Variants in TF observed in about 807,000 individuals in gnomAD.
The protein encoded by TF is transferrin, also known as serotransferrin.
TF carries 55 observed loss-of-function variants against 82.4 expected under a neutral mutation model. That is an observed-to-expected ratio of 0.67 (90% CI 0.54 to 0.84). The LOEUF is 0.84. TF is among the 40% of genes least tolerant of loss of function. TF has a pLI of 0.00. For synonymous variants in TF, 332 were observed against 332.6 expected, an observed-to-expected ratio of 1.00 and a Z score of 0.02; for missense variants, 737 against 868.4, an observed-to-expected ratio of 0.85 and a Z score of 1.90.
the TF span, among the ~76,000 whole-genome samples, chr3:133,724,712 A>C: frequency 7.4e-4 from 112 of 152,296 alleles, no homozygotes; most frequent in Middle Eastern, 0.014. Context: ...TTGGTGTTTT[A>C]GACATGAAGT....
the TF span, among the ~76,000 whole-genome samples, chr3:133,674,897 C>T: frequency 1.3e-5 from 2 of 152,098 alleles, no homozygotes; most frequent in Non-Finnish European, 2.9e-5. Context: ...ATCCTGTCTG[C>T]GGCTTGATGT....
At chr3:133,679,551 A>G in the TF span, among the ~76,000 whole-genome samples, 1 of 106,928 alleles carries the variant, frequency 9.4e-6, no homozygotes, top group African/African-American at 3.7e-5. Context: ...ATCATACAGT[A>G]TATTGTGCTT....
chr3:133,725,371 C>A, the TF span, among the ~76,000 whole-genome samples: 5 of 152,162 alleles, frequency 3.3e-5, no homozygotes, highest in African/African-American at 1.2e-4. Context: ...AGGTCCTTCA[C>A]GTCCCTTGTA....
chr3:133,725,036 C>G, the TF span, among the ~76,000 whole-genome samples: 2 of 152,136 alleles, frequency 1.3e-5, no homozygotes, highest in South Asian at 2.1e-4. Flanking sequence ...GGTACCAGTA[C>G]CATGCTGTTT....
At chr3:133,674,833 C>T in the TF span, among the ~76,000 whole-genome samples, 1 of 152,106 alleles carries the variant, frequency 6.6e-6, no homozygotes, top group Non-Finnish European at 1.5e-5. Context: ...CTTAGGTCCT[C>T]GCAGAAACCC....
chr3:133,696,312 C>CT, the TF span, among the ~76,000 whole-genome samples: 6 of 151,998 alleles, frequency 3.9e-5, no homozygotes, highest in African/African-American at 9.6e-5. Context: ...AAAAATGGTT[C>CT]TTTTTTTATT....
At chr3:133,664,744 AT>A in the TF span, among the ~76,000 whole-genome samples, 2 of 152,102 alleles carry the variant, frequency 1.3e-5, no homozygotes, top group African/African-American at 4.8e-5. Flanking sequence ...TTTTTCTACT[AT>A]GGCAAATTTT....
the TF span, among the ~76,000 whole-genome samples, chr3:133,680,069 T>A: frequency 6.6e-6 from 1 of 152,222 alleles, no homozygotes; most frequent in Admixed American, 6.5e-5. Flanking sequence ...GATGTGAGGA[T>A]CTTTCATGTT....
At chr3:133,746,380 C>A, upstream of TF, 2 of 1,545,818 alleles carry the variant, frequency 1.3e-6, no homozygotes, top group African/African-American at 1.4e-5. Context: ...GGACGCGGGG[C>A]GCCGGAGGCT....
At chr3:133,664,228 A>G in the TF span, among the ~76,000 whole-genome samples, 3 of 152,218 alleles carry the variant, frequency 2.0e-5, no homozygotes, top group Admixed American at 1.3e-4. Context: ...AATGGTTAGT[A>G]TCCACGGAGG....
At chr3:133,671,650 G>A in the TF span, among the ~76,000 whole-genome samples, 5 of 151,712 alleles carry the variant, frequency 3.3e-5, no homozygotes, top group East Asian at 3.9e-4. Context: ...AAAATTACCC[G>A]GGTGCTCTGT....
chr3:133,667,118 G>A, the TF span, among the ~76,000 whole-genome samples: 5 of 152,078 alleles, frequency 3.3e-5, no homozygotes, highest in Non-Finnish European at 7.4e-5. Context: ...TGAGGCAGGA[G>A]AATTGCTTGA....
chr3:133,699,656 A>C, the TF span: 29 of 499,186 alleles, frequency 5.8e-5, no homozygotes, highest in Non-Finnish European at 3.6e-5. Context: ...CCTCTGGCTT[A>C]GTGCTCCCTG....
At chr3:133,720,787 T>C in the TF span, among the ~76,000 whole-genome samples, 2 of 152,268 alleles carry the variant, frequency 1.3e-5, no homozygotes, top group Admixed American at 1.3e-4. Flanking sequence ...ATTACTGGTC[T>C]GTGCCTATTT....
the TF span, among the ~76,000 whole-genome samples, chr3:133,732,897 A>G: frequency 6.6e-6 from 1 of 152,136 alleles, no homozygotes; most frequent in Non-Finnish European, 1.5e-5. Context: ...TTCACTGTCC[A>G]ACCTGAAAGT....
chr3:133,678,074 T>C, the TF span, among the ~76,000 whole-genome samples: 3 of 152,162 alleles, frequency 2.0e-5, no homozygotes, highest in African/African-American at 7.2e-5. Context: ...TGCATTCTCA[T>C]TGTTCAACTC....
chr3:133,670,802 T>A, the TF span, among the ~76,000 whole-genome samples: 5 of 152,302 alleles, frequency 3.3e-5, no homozygotes, highest in East Asian at 9.6e-4. Context: ...CTTTCAAATG[T>A]ATGAGTAAGT....
chr3:133,724,400 T>C, the TF span, among the ~76,000 whole-genome samples: 1 of 152,272 alleles, frequency 6.6e-6, no homozygotes, highest in Non-Finnish European at 1.5e-5. Flanking sequence ...ATTTCTCTGA[T>C]GGCCAGTGAT....
At chr3:133,725,273 T>C in the TF span, among the ~76,000 whole-genome samples, 1 of 152,234 alleles carries the variant, frequency 6.6e-6, no homozygotes, top group Non-Finnish European at 1.5e-5. Flanking sequence ...CGATATTGAT[T>C]CTTCCTAACC....
Sources: allele counts gnomAD v4.1 joint callset (sites outside exome capture counted in the v4.1 genomes callset), GRCh38; gene constraint gnomAD v4.1.1; transcripts MANE v1.5; gene names NCBI Gene and HGNC (gene_info 2026-07-23, HGNC 2026-07-21).